Variants in SIN3B observed in about 807,000 individuals in gnomAD.
SIN3B encodes paired amphipathic helix protein Sin3b.
Under a neutral mutation model 120.2 loss-of-function variants are expected in SIN3B, and 19 were observed. That is an observed-to-expected ratio of 0.16 (90% CI 0.11 to 0.23). SIN3B has a LOEUF of 0.23. Among genes scored for constraint, SIN3B ranks in the 10% least tolerant of loss-of-function variants. The pLI, the probability that SIN3B is intolerant of heterozygous loss-of-function variation, is 1.00. For synonymous variants in SIN3B, 654 were observed against 653.2 expected (o/e 1.00, Z -0.02); for missense variants, 1,073 against 1,573.0 (o/e 0.68, Z 5.38).
intron 12 of SIN3B, 31 bp downstream of exon 12, chr19:16,866,587 G>T (rs1341445769): frequency 6.2e-6 from 10 of 1,607,720 alleles, no homozygotes; most frequent in Non-Finnish European, 7.7e-6. Flanking sequence ...GCCGGCCGGT[G>T]GGGGTGGGGT....
intron 4 of SIN3B, 42 bp downstream of exon 4, chr19:16,842,010 A>C: frequency 1.3e-6 from 2 of 1,540,634 alleles, no homozygotes; most frequent in Non-Finnish European, 1.8e-6. Flanking sequence ...TTTGGATTTC[A>C]TCCAGTTTGG....
At chr19:16,873,388 C>T (rs1224788943) in intron 14 of SIN3B, among the ~76,000 whole-genome samples, 1 of 152,178 alleles carries the variant, frequency 6.6e-6, no homozygotes, top group African/African-American at 2.4e-5. Context: ...CTGCCCATCA[C>T]CATCCACAGC....
chr19:16,846,910 G>C, intron 4 of SIN3B, 60 bp from the exon 5 acceptor site: 1 of 1,558,804 alleles, frequency 6.4e-7, no homozygotes, highest in Non-Finnish European at 8.7e-7. Context: ...TGAGTGTCCC[G>C]GCCCAGGGCA....
rs934983344 is a variant in SIN3B at position 16,862,784 on chromosome 19, C to T, written c.1266+225C>T. 5.5e-5 allele frequency: 58 copies of T among 1,059,974 alleles called. 3 individuals carry two copies. In the South Asian group the frequency reaches 5.8e-4, roughly 11 times the overall value. 65.7% of individuals were successfully genotyped at this position (1,059,974 alleles called of 1,614,324 possible). ...GCAAAACACAGAGTGCCAGGGATAA[C>T]GTGGAGTTCGGCTTATTCATCTGTT... On this transcript the variant is annotated intron_variant, in intron 9 of 18. Coordinates refer to ENST00000248054, the MANE Select transcript of SIN3B (RefSeq NM_001297595.2). This position sits in a 1 kb window ranked among gnomAD's most constrained non-coding sequence, Gnocchi z 4.7.
intron 8 of SIN3B, chr19:16,854,595 C>T (rs147193510): frequency 3.0e-5 from 6 of 202,794 alleles, no homozygotes; most frequent in South Asian, 1.6e-4. Context: ...GGAGTTTGCA[C>T]GTTCTCCCCA....
At chr19:16,837,735 T>C (rs777722343) in intron 3 of SIN3B, among the ~76,000 whole-genome samples, 5 of 151,894 alleles carry the variant, frequency 3.3e-5, no homozygotes, top group Non-Finnish European at 7.4e-5. Context: ...GGTTCCCATG[T>C]GATGGGGGCA....
intron 10 of SIN3B, 103 bp from the exon 11 acceptor site, chr19:16,865,307 C>CCG (rs1971750767): frequency 1.0e-5 from 3 of 297,388 alleles, no homozygotes; most frequent in Non-Finnish European, 1.8e-5. Flanking sequence ...AATACACACA[C>CCG]CCCCCCCCCA....
rs184057064 is a variant in SIN3B at position 16,854,522 on chromosome 19, C to T, written c.1058+261C>T. 1.2e-3 allele frequency: 449 copies of T among 389,764 alleles called. 4 individuals carry two copies. The highest frequency in any genetic ancestry group is 5.4e-3 in the Middle Eastern group (8 of 1,476). The allele number at this position is 389,764 out of a possible 1,614,324, so 24.1% of individuals were successfully genotyped here. ...GAATACAGTGGGTCCTCGAGTAATG[C>T]CTTTTCATTTAACACTGTTTTAACA... On this transcript the variant is annotated intron_variant, in intron 8 of 18. Transcript: ENST00000248054.
chr19:16,841,198 C>T (rs1334569225), intron 3 of SIN3B, among the ~76,000 whole-genome samples: 1 of 152,032 alleles, frequency 6.6e-6, no homozygotes, highest in Non-Finnish European at 1.5e-5. Context: ...GTGTTCAGGG[C>T]CTGTCTTTTC....
chr19:16,829,954 A>G, intron 2 of SIN3B, 57 bp downstream of exon 2: 1 of 1,252,438 alleles, frequency 8.0e-7, no homozygotes, highest in Non-Finnish European at 1.2e-6. Flanking sequence ...AATCGGGCCT[A>G]GCGGGGTGAG....
rs74740618 is a variant in SIN3B, at chr19:16,831,831, C to T, written c.381+184C>T. Among the ~76,000 whole-genome samples the T allele has an allele frequency of 3.2e-3, 489 of 152,334 alleles. 6 individuals are homozygous for T. The highest frequency in any genetic ancestry group is 0.012 in the African/African-American group (479 of 41,580). ...ATATGGAAACACCTACACAAGCAGCCTCTGCCTCCCAAATTGATCTGTTTG... is the reference window on the plus strand; with the variant it reads ...ATATGGAAACACCTACACAAGCAGCTTCTGCCTCCCAAATTGATCTGTTTG... On this transcript the variant is annotated intron_variant, in intron 3 of 18. Transcript: ENST00000248054.
rs757388970 is a variant in SIN3B, at chr19:16,869,649, CTCT to C, written c.2003_2005del (p.Phe668del). 38 of 1,613,542 alleles carry C rather than the reference CTCT, an allele frequency of 2.4e-5. No individual in the cohort carries two copies. Among genetic ancestry groups the C allele is most frequent in the Admixed American group, 1.7e-4 (10 of 60,010 alleles). On this transcript the variant is annotated inframe_deletion, in exon 13 of 19. Transcript: ENST00000248054. ...GCTGCTGCACCAGTTCGTGCCCAGC[CTCT>C]TCTTCTCTCAGCAGCTGGACCTGGG...
Position 16,871,373 on chromosome 19 carries a change from A to G in SIN3B, c.2567A>G (p.Lys856Arg). The change falls in exon 14 of 19, where the codon AAG becomes AGG. Residue 856 changes from lysine to arginine, a missense_variant. Transcript: ENST00000248054. ...GCCTACGTGGGCTTCACCATGGACA[A>G]GCTGGTGCAGAACATTGCGCGGCAG... Reference protein sequence around the residue: ...IHAYVGFTMDKLVQNIARQLH... With the variant: ...IHAYVGFTMDRLVQNIARQLH... 1 of 1,612,972 alleles carries G rather than the reference A, an allele frequency of 6.2e-7. No homozygotes were observed. Among genetic ancestry groups the G allele is most frequent in the Non-Finnish European group, 8.5e-7 (1 of 1,179,546 alleles).
chr19:16,866,023 G>A (rs1971767323), intron 11 of SIN3B, among the ~76,000 whole-genome samples: 1 of 152,208 alleles, frequency 6.6e-6, no homozygotes. Context: ...TTTCAGGCAG[G>A]TGCAGTGCTT....
intron 8 of SIN3B, among the ~76,000 whole-genome samples, chr19:16,861,905 A>C (rs1971694130): frequency 6.6e-6 from 1 of 152,140 alleles, no homozygotes; most frequent in Admixed American, 6.6e-5. Flanking sequence ...ACTGCCCTTG[A>C]GCCTGGGCAA....
intron 8 of SIN3B, among the ~76,000 whole-genome samples, chr19:16,859,713 C>T (rs1265263145): frequency 1.3e-5 from 2 of 152,190 alleles, no homozygotes; most frequent in Non-Finnish European, 2.9e-5. Flanking sequence ...GGGTGGTGGG[C>T]ACACGGCTGG....
chr19:16,833,905 T>C (rs1485369074), intron 3 of SIN3B, among the ~76,000 whole-genome samples: 1 of 151,840 alleles, frequency 6.6e-6, no homozygotes, highest in Non-Finnish European at 1.5e-5. Context: ...TTTGTATTTT[T>C]AGTGGAGATG....
Position 16,878,935 on chromosome 19 carries a change from C to CGA in SIN3B, c.*210_*211dup, listed in dbSNP as rs1269158117. On this transcript the variant is annotated 3_prime_UTR_variant, in exon 19 of 19. Coordinates refer to ENST00000248054, the MANE Select transcript of SIN3B (RefSeq NM_001297595.2). Reference sequence around the variant, plus strand: ...GTGCCAAACCTGAGCTACCTGCACCCGAGCCCTGGGGCTCAGCCCCACCAC... The same window carrying CGA: ...GTGCCAAACCTGAGCTACCTGCACCCGAGAGCCCTGGGGCTCAGCCCCACCAC... 1 of 573,314 alleles carries CGA rather than the reference C, an allele frequency of 1.7e-6. No homozygotes were observed. Among genetic ancestry groups the CGA allele is most frequent in the Non-Finnish European group, 3.1e-6 (1 of 326,610 alleles). The allele number at this position is 573,314 out of a possible 1,614,324, so 35.5% of individuals were successfully genotyped here. A position where few individuals can be genotyped will look rare whatever the true frequency, so the allele number is the denominator to read the frequency against.
intron 8 of SIN3B, among the ~76,000 whole-genome samples, chr19:16,859,085 A>G (rs1406644946): frequency 6.6e-6 from 1 of 152,120 alleles, no homozygotes; most frequent in African/African-American, 2.4e-5. Flanking sequence ...TTCGAGGCAG[A>G]GGTTGCAGTG....
Sources: gnomAD v4.1 joint callset for allele counts (sites outside exome capture counted in the v4.1 genomes callset) on GRCh38, gnomAD v4.1.1 for gene constraint, Gnocchi (gnomAD v3.1) non-coding constraint, MANE v1.5 for transcripts, NCBI Gene and HGNC (gene_info 2026-07-23, HGNC 2026-07-21) for gene names.